The following XYLT1 variants were observed in gnomAD, a reference collection of about 807,000 sequenced individuals.
The protein encoded by XYLT1 is beta-D-xylosyltransferase 1.
XYLT1 carries 36 observed loss-of-function variants against 91.3 expected under a neutral mutation model. The ratio of observed to expected loss-of-function variants is 0.39; its 90% CI spans 0.30 to 0.52. The LOEUF is 0.52. XYLT1 is among the 20% of genes least tolerant of loss of function. The pLI is 0.68. For synonymous variants in XYLT1, 588 were observed against 532.0 expected (o/e 1.11, Z -1.45); for missense variants, 1,242 against 1,284.5 (o/e 0.97, Z 0.51).
intron 10 of XYLT1, among the ~76,000 whole-genome samples, chr16:17,126,814 G>A (rs569808787): frequency 6.6e-6 from 1 of 152,178 alleles, no homozygotes; most frequent in South Asian, 2.1e-4. Flanking sequence ...CACGACCCAA[G>A]TACACTCATT....
chr16:17,424,401 T>C (rs1181570112), intron 1 of XYLT1, among the ~76,000 whole-genome samples: 3 of 152,192 alleles, frequency 2.0e-5, no homozygotes, highest in Admixed American at 6.5e-5. Context: ...CCAATACTTA[T>C]GTATTTATGC....
chr16:17,462,233 A>G (rs1000401532), intron 1 of XYLT1, among the ~76,000 whole-genome samples: 3 of 152,238 alleles, frequency 2.0e-5, no homozygotes, highest in Non-Finnish European at 4.4e-5. Context: ...GGCCTGGGAC[A>G]GGACAAATCC....
intron 2 of XYLT1, among the ~76,000 whole-genome samples, chr16:17,267,407 G>A (rs182854629): frequency 2.0e-4 from 30 of 152,284 alleles, no homozygotes; most frequent in African/African-American, 7.2e-4. Context: ...GCAAGTCTGA[G>A]TCTTTTGTTT....
chr16:17,203,804 T>C (rs2032587325), intron 3 of XYLT1, among the ~76,000 whole-genome samples: 1 of 152,248 alleles, frequency 6.6e-6, no homozygotes, highest in Non-Finnish European at 1.5e-5. Flanking sequence ...GAGCTTATCA[T>C]CCCAAACACC....
chr16:17,458,927 GT>G (rs1462477109), intron 1 of XYLT1, among the ~76,000 whole-genome samples: 1 of 152,058 alleles, frequency 6.6e-6, no homozygotes, highest in African/African-American at 2.4e-5. Context: ...GAAGAAGAGA[GT>G]GCATCTGGGA....
chr16:17,163,136 T>C (rs751919779), intron 5 of XYLT1, among the ~76,000 whole-genome samples: 30 of 152,336 alleles, frequency 2.0e-4, no homozygotes, highest in Non-Finnish European at 2.1e-4. Context: ...GAAGGCTTTC[T>C]GTGCATAAGA....
intron 6 of XYLT1, among the ~76,000 whole-genome samples, chr16:17,142,535 G>A (rs1438758541): frequency 6.7e-6 from 1 of 148,882 alleles, no homozygotes; most frequent in East Asian, 2.0e-4. Flanking sequence ...CTGGGTTCAA[G>A]TGATTCTCCT....
intron 1 of XYLT1, among the ~76,000 whole-genome samples, chr16:17,433,871 C>T (rs1465184796): frequency 6.6e-6 from 1 of 152,174 alleles, no homozygotes; most frequent in Non-Finnish European, 1.5e-5. Flanking sequence ...ATCCTTAACT[C>T]TGTTCCCCCA....
chr16:17,357,896 A>C, intron 2 of XYLT1, 116 bp downstream of exon 2: 1 of 1,115,626 alleles, frequency 9.0e-7, no homozygotes, highest in Admixed American at 2.4e-5. Context: ...CACACATCCA[A>C]ATGGGACCAG....
chr16:17,242,081 A>G (rs2033353248), intron 3 of XYLT1, among the ~76,000 whole-genome samples: 1 of 152,194 alleles, frequency 6.6e-6, no homozygotes, highest in African/African-American at 2.4e-5. Context: ...AGCAAAAGAA[A>G]GACCCACCCC....
chr16:17,110,262 A>G (rs1966835826), intron 11 of XYLT1, among the ~76,000 whole-genome samples: 1 of 152,182 alleles, frequency 6.6e-6, no homozygotes, highest in South Asian at 2.1e-4. Flanking sequence ...GTGCTGGGAA[A>G]AGCTTAGCTA....
intron 9 of XYLT1, among the ~76,000 whole-genome samples, chr16:17,134,047 G>T (rs1022544117): frequency 1.5e-4 from 23 of 152,178 alleles, no homozygotes; most frequent in African/African-American, 4.1e-4. Flanking sequence ...AATGAAACAA[G>T]ATCAGCCCCG....
intron 5 of XYLT1, among the ~76,000 whole-genome samples, chr16:17,163,284 C>T (rs1272285320): frequency 6.6e-6 from 1 of 152,170 alleles, no homozygotes; most frequent in Non-Finnish European, 1.5e-5. Context: ...GTGTGTGTGT[C>T]TTATCTATAT....
chr16:17,289,969 A>G (rs2034197568), intron 2 of XYLT1, among the ~76,000 whole-genome samples: 1 of 152,242 alleles, frequency 6.6e-6, no homozygotes, highest in African/African-American at 2.4e-5. Context: ...GTGATTTTCC[A>G]TTTTAAGGAT....
At chr16:17,152,678 G>A (rs1283461709) in intron 6 of XYLT1, among the ~76,000 whole-genome samples, 1 of 152,200 alleles carries the variant, frequency 6.6e-6, no homozygotes, top group Non-Finnish European at 1.5e-5. Flanking sequence ...GTCAGAAAAG[G>A]GGAGCTAGGG....
intron 2 of XYLT1, among the ~76,000 whole-genome samples, chr16:17,333,889 A>T (rs1042157412): frequency 1.3e-5 from 2 of 152,028 alleles, no homozygotes; most frequent in African/African-American, 4.8e-5. Flanking sequence ...GCCCGGCCTC[A>T]TGTTGAAATT....
chr16:17,224,492 G>A (rs2033029075), intron 3 of XYLT1, among the ~76,000 whole-genome samples: 3 of 152,142 alleles, frequency 2.0e-5, no homozygotes, highest in South Asian at 2.1e-4. Context: ...CTCAGTGTAC[G>A]TGCACTTGTT....
At chr16:17,243,511 G>A (rs1051082104) in intron 3 of XYLT1, among the ~76,000 whole-genome samples, 1 of 152,126 alleles carries the variant, frequency 6.6e-6, no homozygotes, top group African/African-American at 2.4e-5. Context: ...GGCACAGATC[G>A]GGATTGTCCT....
chr16:17,327,394 G>C (rs1463646559), intron 2 of XYLT1, among the ~76,000 whole-genome samples: 1 of 127,452 alleles, frequency 7.8e-6, no homozygotes, highest in Non-Finnish European at 1.6e-5. Context: ...ATAGAGTCTC[G>C]CTCTGTTTCC....
Sources: gnomAD v4.1 joint callset for allele counts (sites outside exome capture counted in the v4.1 genomes callset) on GRCh38, gnomAD v4.1.1 for gene constraint, MANE v1.5 for transcripts, NCBI Gene and HGNC (gene_info 2026-07-23, HGNC 2026-07-21) for gene names.